Variants in GABRB2 observed in about 807,000 individuals in gnomAD.
The protein encoded by GABRB2 is gamma-aminobutyric acid receptor subunit beta-2.
Under a neutral mutation model 54.7 loss-of-function variants are expected in GABRB2, and 16 were observed. The ratio of observed to expected loss-of-function variants is 0.29; its 90% CI spans 0.20 to 0.44. The LOEUF (loss-of-function observed/expected upper bound fraction) is 0.44, where lower values mean the gene tolerates loss of function less well. Ranked by LOEUF, GABRB2 falls within the 20% of genes least tolerant of loss-of-function variation. The pLI is 1.00. For synonymous variants in GABRB2, 244 were observed against 233.8 expected, an observed-to-expected ratio of 1.04 and a Z score of -0.40; for missense variants, 355 against 644.0, an observed-to-expected ratio of 0.55 and a Z score of 4.86.
At chr5:161,347,321 G>A (rs949001970) in intron 5 of GABRB2, among the ~76,000 whole-genome samples, 26 of 152,110 alleles carry the variant, frequency 1.7e-4, no homozygotes, top group African/African-American at 5.5e-4. Context: ...CTTTAACACT[G>A]AAATTCAGTC....
intron 3 of GABRB2, among the ~76,000 whole-genome samples, chr5:161,483,779 T>C (rs539073348): frequency 6.6e-6 from 1 of 152,070 alleles, no homozygotes; most frequent in South Asian, 2.1e-4. Flanking sequence ...TTAAAAGTGG[T>C]GGGATTATCA....
chr5:161,450,248 C>A (rs1757753046), intron 4 of GABRB2, among the ~76,000 whole-genome samples: 1 of 152,074 alleles, frequency 6.6e-6, no homozygotes, highest in Non-Finnish European at 1.5e-5. Flanking sequence ...TTGAAATCAA[C>A]AGACATGAGA....
At chr5:161,318,795 T>A (rs1758119661) in intron 9 of GABRB2, among the ~76,000 whole-genome samples, 1 of 151,996 alleles carries the variant, frequency 6.6e-6, no homozygotes, top group Non-Finnish European at 1.5e-5. Flanking sequence ...ACAAAGCTCA[T>A]AGAATACTTT....
At position 161,291,609 on chromosome 5, in the gene GABRB2, T is replaced by G. The variant is rs1757239151; in HGVS notation, c.*2472A>C. On this transcript the variant is annotated 3_prime_UTR_variant, in exon 10 of 10. Transcript: ENST00000393959. ...TTTCTTGTATCACTGAGAGCAGAAA[T>G]GAATTCCTGGTTTTATGCTTTTGAG... is the stretch of plus-strand genomic sequence containing the variant. 2 of 152,592 alleles carry G rather than the reference T, an allele frequency of 1.3e-5. No homozygotes were observed. Among genetic ancestry groups the G allele is most frequent in the South Asian group, 4.1e-4 (2 of 4,832 alleles). 9.5% of individuals were successfully genotyped at this position (152,592 alleles called of 1,614,324 possible). A position where few individuals can be genotyped will look rare whatever the true frequency, so the allele number is the denominator to read the frequency against.
At chr5:161,357,514 T>C (rs1754669237) in intron 5 of GABRB2, among the ~76,000 whole-genome samples, 1 of 62,804 alleles carries the variant, frequency 1.6e-5, no homozygotes, top group Admixed American at 2.1e-4. Flanking sequence ...AGTGAGAGTT[T>C]TGAGCAAAAA....
At chr5:161,522,059 A>G (rs550755309) in intron 3 of GABRB2, among the ~76,000 whole-genome samples, 1 of 152,006 alleles carries the variant, frequency 6.6e-6, no homozygotes, top group Admixed American at 6.6e-5. Context: ...AGTTAGTAGG[A>G]CATCTGCATT....
At chr5:161,455,185 T>C (rs1757913896) in intron 4 of GABRB2, among the ~76,000 whole-genome samples, 1 of 152,312 alleles carries the variant, frequency 6.6e-6, no homozygotes, top group Non-Finnish European at 1.5e-5. Flanking sequence ...TTAGAGCTCT[T>C]GTGCACCATC....
chr5:161,332,650 T>A (rs1047083471), intron 7 of GABRB2, among the ~76,000 whole-genome samples: 5 of 152,174 alleles, frequency 3.3e-5, no homozygotes, highest in Non-Finnish European at 7.3e-5. Context: ...TGGAAAGTTA[T>A]AGAGTTGCCA....
At chr5:161,515,945 T>C (rs534356681) in intron 3 of GABRB2, among the ~76,000 whole-genome samples, 28 of 152,260 alleles carry the variant, frequency 1.8e-4, no homozygotes, top group African/African-American at 6.5e-4. Flanking sequence ...CATGCAAAAG[T>C]CAGCCAGATT....
intron 3 of GABRB2, among the ~76,000 whole-genome samples, chr5:161,494,066 T>C (rs1759156760): frequency 1.3e-5 from 2 of 151,786 alleles, no homozygotes; most frequent in African/African-American, 4.8e-5. Flanking sequence ...AAATCCTATT[T>C]AATATGGTAC....
intron 5 of GABRB2, among the ~76,000 whole-genome samples, chr5:161,354,409 C>A (rs182589422): frequency 1.3e-5 from 2 of 152,056 alleles, no homozygotes; most frequent in South Asian, 2.1e-4. Context: ...AAATCTATAT[C>A]TAAGAGAATG....
At chr5:161,345,520 A>G (rs1754297524) in intron 5 of GABRB2, among the ~76,000 whole-genome samples, 1 of 152,066 alleles carries the variant, frequency 6.6e-6, no homozygotes, top group African/African-American at 2.4e-5. Context: ...CTCTTCAGCA[A>G]TCCTCAGAAC....
chr5:161,334,660 C>G (rs1177844596), intron 7 of GABRB2, 92 bp downstream of exon 7: 1 of 1,359,440 alleles, frequency 7.4e-7, no homozygotes, highest in African/African-American at 1.4e-5. Flanking sequence ...GCGTCATGCA[C>G]CACAAATTTC....
At chr5:161,341,434 TA>T (rs1315535157) in intron 5 of GABRB2, among the ~76,000 whole-genome samples, 1 of 151,938 alleles carries the variant, frequency 6.6e-6, no homozygotes, top group Non-Finnish European at 1.5e-5. Context: ...AATAATTTTG[TA>T]TTGTTATATC....
chr5:161,466,346 C>G (rs1466677840), intron 3 of GABRB2, among the ~76,000 whole-genome samples: 2 of 151,994 alleles, frequency 1.3e-5, no homozygotes, highest in Non-Finnish European at 2.9e-5. Context: ...AAACAAATAT[C>G]TTTGGTAGAT....
chr5:161,491,343 C>G (rs1375891032), intron 3 of GABRB2, among the ~76,000 whole-genome samples: 1 of 151,506 alleles, frequency 6.6e-6, no homozygotes, highest in African/African-American at 2.4e-5. Context: ...TGGCACTTAC[C>G]ATTAGTTAGC....
At chr5:161,456,763 T>A (rs1757965938) in intron 4 of GABRB2, among the ~76,000 whole-genome samples, 2 of 152,184 alleles carry the variant, frequency 1.3e-5, no homozygotes, top group Admixed American at 1.3e-4. Flanking sequence ...CTACTGATAT[T>A]AATATTATTA....
At chr5:161,421,944 T>C (rs936614126) in intron 4 of GABRB2, among the ~76,000 whole-genome samples, 1 of 152,166 alleles carries the variant, frequency 6.6e-6, no homozygotes, top group Admixed American at 6.6e-5. Flanking sequence ...ACCACAAATA[T>C]GTATTAGAAA....
chr5:161,527,138 A>T (rs1760308667), intron 3 of GABRB2, among the ~76,000 whole-genome samples: 1 of 151,498 alleles, frequency 6.6e-6, no homozygotes, highest in African/African-American at 2.4e-5. Flanking sequence ...TGGCACAAAA[A>T]TAGGGAGAAA....
Sources: gnomAD v4.1 joint callset for allele counts (sites outside exome capture counted in the v4.1 genomes callset) on GRCh38, gnomAD v4.1.1 for gene constraint, MANE v1.5 for transcripts, NCBI Gene and HGNC (gene_info 2026-07-23, HGNC 2026-07-21) for gene names.